MALRD1: variants seen among roughly 807,000 people sequenced by gnomAD.
MALRD1 encodes the protein MAM and LDL-receptor class A domain-containing protein 1.
In MALRD1, 247 loss-of-function variants were observed where a neutral mutation model predicts 242.1. The ratio of observed to expected loss-of-function variants is 1.02; its 90% confidence interval spans 0.92 to 1.13. The LOEUF (loss-of-function observed/expected upper bound fraction) is 1.13, where lower values mean the gene tolerates loss of function less well. MALRD1 is among the 50% of genes most tolerant of loss of function. MALRD1 has a pLI of 0.00. For synonymous variants in MALRD1, 995 were observed against 866.6 expected, an observed-to-expected ratio of 1.15 and a Z score of -2.60; for missense variants, 2,989 against 2,533.1, an observed-to-expected ratio of 1.18 and a Z score of -3.86.
At chr10:19,226,252 C>T (rs1413306461) in intron 18 of MALRD1, among the ~76,000 whole-genome samples, 2 of 151,846 alleles carry the variant, frequency 1.3e-5, no homozygotes, top group African/African-American at 4.8e-5. Flanking sequence ...TCGATAGATG[C>T]AAAAAAGGAA....
rs1589395770 is a variant in MALRD1, at chr10:19,683,150, G to GA, written c.6138-9130dup. On this transcript the variant is annotated intron_variant, in intron 36 of 39. Transcript: ENST00000454679. ...TCTCTACCGGAAAAAAAAAAAGAAA[G>GA]AAGTTTTCAAAATGGCAGAATTGGT... is the stretch of plus-strand genomic sequence containing the variant. Among the ~76,000 whole-genome samples, 12 of 150,542 alleles carry GA rather than the reference G, an allele frequency of 8.0e-5. 1 individual carries two copies. The East Asian group carries it at 2.3e-3, about 29-fold the overall frequency.
intron 4 of MALRD1, among the ~76,000 whole-genome samples, chr10:19,097,875 A>G (rs1276104794): frequency 3.3e-5 from 5 of 152,208 alleles, no homozygotes; most frequent in Admixed American, 3.3e-4. Context: ...ATCACAAAAG[A>G]TTGTAGCAGA....
At chr10:19,606,976 A>G (rs1052002206) in intron 34 of MALRD1, among the ~76,000 whole-genome samples, 4 of 152,124 alleles carry the variant, frequency 2.6e-5, no homozygotes, top group African/African-American at 9.6e-5. Context: ...AATCAGATAT[A>G]ATTAAATTAA....
At chr10:19,547,664 G>A in intron 32 of MALRD1, among the ~76,000 whole-genome samples, 1 of 149,184 alleles carries the variant, frequency 6.7e-6, no homozygotes, top group East Asian at 2.0e-4. Context: ...GTAATAAAAT[G>A]TGCTCGGTGT....
In MALRD1 at chr10:19,355,470, G is replaced by T. The variant is rs977480233; in HGVS notation, c.4441+3173G>T. ...AAGAGTATTCATTCATATAAAGTATGATAACTTGTGGGAATGTCTGCAGTA... is the reference window on the plus strand; with the variant it reads ...AAGAGTATTCATTCATATAAAGTATTATAACTTGTGGGAATGTCTGCAGTA... On this transcript the variant is annotated intron_variant, in intron 26 of 39. Coordinates refer to ENST00000454679, the MANE Select transcript of MALRD1 (RefSeq NM_001142308.3). Among the ~76,000 whole-genome samples the T allele has an allele frequency of 5.3e-5, 8 of 151,666 alleles. No individual in the cohort carries two copies. The South Asian group carries it at 1.5e-3, about 28-fold the overall frequency.
At chr10:19,624,305 G>A (rs5016621) in intron 36 of MALRD1, among the ~76,000 whole-genome samples, 8,614 of 152,154 alleles carry the variant, frequency 0.057, 702 homozygotes, top group African/African-American at 0.19. Context: ...ACCATACAAT[G>A]GAATGCAAAG....
At chr10:19,234,435 T>C (rs1415552202) in intron 18 of MALRD1, among the ~76,000 whole-genome samples, 1 of 152,144 alleles carries the variant, frequency 6.6e-6, no homozygotes, top group Non-Finnish European at 1.5e-5. Flanking sequence ...AACATTTTCC[T>C]GATAGATATG....
intron 29 of MALRD1, among the ~76,000 whole-genome samples, chr10:19,462,065 T>C (rs1375648448): frequency 6.6e-6 from 1 of 152,186 alleles, no homozygotes; most frequent in Non-Finnish European, 1.5e-5. Flanking sequence ...CTACTGGAAC[T>C]CCACCTTGGT....
chr10:19,066,852 T>C lies in MALRD1; in HGVS notation c.333T>C (p.Asp111=), dbSNP rs1834995870. Residue 111 remains aspartate (D), a synonymous_variant, in exon 2 of 40, where the codon GAT becomes GAC. Transcript: ENST00000454679. ...LSPPFYDHNG[D]VSAHFLSLVS... ...CTCCATTTTATGATCACAATGGTGA[T>C]GTGTCTGGTAAATGCTTTAAATTTA... is the stretch of plus-strand genomic sequence containing the variant. The C allele has an allele frequency of 6.5e-6, 8 of 1,233,554 alleles. No individual in the cohort carries two copies. Among genetic ancestry groups the C allele is most frequent in the African/African-American group, 1.6e-5 (1 of 64,490 alleles). 76.4% of individuals were successfully genotyped at this position (1,233,554 alleles called of 1,614,324 possible).
At chr10:19,631,003 T>C (rs781617394) in intron 36 of MALRD1, among the ~76,000 whole-genome samples, 11 of 152,198 alleles carry the variant, frequency 7.2e-5, no homozygotes, top group African/African-American at 2.7e-4. Context: ...TGAAAAACTT[T>C]TATTTTAGAT....
chr10:19,227,585 A>G (rs1334195022), intron 18 of MALRD1, among the ~76,000 whole-genome samples: 1 of 152,096 alleles, frequency 6.6e-6, no homozygotes, highest in Non-Finnish European at 1.5e-5. Context: ...AAAAGGATGG[A>G]TGAAAATGGA....
At chr10:19,594,962 C>A (rs2131557492) in intron 33 of MALRD1, among the ~76,000 whole-genome samples, 1 of 152,220 alleles carries the variant, frequency 6.6e-6, no homozygotes, top group Non-Finnish European at 1.5e-5. Flanking sequence ...CAAAAACCAC[C>A]TGTTCCCCCC....
At chr10:19,360,571 C>A (rs967611230) in intron 26 of MALRD1, among the ~76,000 whole-genome samples, 1 of 152,048 alleles carries the variant, frequency 6.6e-6, no homozygotes, top group African/African-American at 2.4e-5. Flanking sequence ...CCTCTTTCTT[C>A]CAATTTCAGA....
At chr10:19,156,132 G>A (rs977198321) in intron 12 of MALRD1, among the ~76,000 whole-genome samples, 2 of 152,140 alleles carry the variant, frequency 1.3e-5, no homozygotes, top group African/African-American at 2.4e-5. Flanking sequence ...TAGTGTTAGA[G>A]CAGTTTACTC....
intron 32 of MALRD1, among the ~76,000 whole-genome samples, chr10:19,557,090 C>T (rs1425219667): frequency 6.6e-6 from 1 of 152,004 alleles, no homozygotes; most frequent in Non-Finnish European, 1.5e-5. Context: ...TGAATAGATT[C>T]TTTAGGGAGG....
chr10:19,201,463 G>A (rs1170233654), intron 14 of MALRD1, among the ~76,000 whole-genome samples: 1 of 151,942 alleles, frequency 6.6e-6, no homozygotes, highest in African/African-American at 2.4e-5. Context: ...CAGATAATAA[G>A]GTTCCCCTTC....
At chr10:19,052,176 C>G (rs1834527781) in intron 1 of MALRD1, 2 of 406,364 alleles carry the variant, frequency 4.9e-6, no homozygotes, top group Admixed American at 3.1e-5. Context: ...AGAAAATAAA[C>G]AGTATTACAG....
chr10:19,439,666 C>T (rs2483083), intron 28 of MALRD1, among the ~76,000 whole-genome samples: 119,760 of 152,124 alleles, frequency 0.79, 47,799 homozygotes, highest in African/African-American at 0.92. Flanking sequence ...GCTGAAAATA[C>T]AGTTTTATTT....
intron 26 of MALRD1, among the ~76,000 whole-genome samples, chr10:19,373,895 A>G (rs913290228): frequency 2.0e-5 from 3 of 152,318 alleles, no homozygotes; most frequent in Non-Finnish European, 4.4e-5. Context: ...ACGCACATTT[A>G]TCAATTCAAA....
Sources: allele counts gnomAD v4.1 joint callset (sites outside exome capture counted in the v4.1 genomes callset), GRCh38; gene constraint gnomAD v4.1.1; transcripts MANE v1.5; gene names NCBI Gene and HGNC (gene_info 2026-07-23, HGNC 2026-07-21).